The following WDR17 variants were observed in gnomAD, a reference collection of about 807,000 sequenced individuals.
WDR17 encodes the protein WD repeat-containing protein 17.
Under a neutral mutation model 161.7 loss-of-function variants are expected in WDR17, and 143 were observed. The ratio of observed to expected loss-of-function variants is 0.88; its 90% CI spans 0.77 to 1.02. The LOEUF is 1.02. WDR17 is among the 50% of genes least tolerant of loss of function. The pLI, the probability that WDR17 is intolerant of heterozygous loss-of-function variation, is 0.00. For missense variants in WDR17, 1,469 were observed against 1,520.9 expected (o/e 0.97, Z 0.57); for synonymous variants, 517 against 515.6 (o/e 1.00, Z -0.04).
chr4:176,149,745 A>C, intron 13 of WDR17, 62 bp from the exon 14 acceptor site: 1 of 1,588,122 alleles, frequency 6.3e-7, no homozygotes, highest in Non-Finnish European at 8.6e-7. Context: ...TATGAAGCAC[A>C]TATAAATAAA....
chr4:176,165,884 C>T (rs1749702881), intron 22 of WDR17, among the ~76,000 whole-genome samples: 2 of 152,164 alleles, frequency 1.3e-5, no homozygotes, highest in Admixed American at 1.3e-4. Flanking sequence ...ATATGTGTAA[C>T]AGAAACTAGG....
intron 1 of WDR17, among the ~76,000 whole-genome samples, chr4:176,107,483 GT>G (rs931529177): frequency 1.3e-5 from 2 of 150,078 alleles, no homozygotes; most frequent in African/African-American, 4.9e-5. Context: ...TTGTACATCC[GT>G]TTTCATAGCA....
intron 21 of WDR17, 147 bp from the exon 22 acceptor site, chr4:176,163,007 A>G (rs919697103): frequency 9.4e-7 from 1 of 1,064,418 alleles, no homozygotes; most frequent in Admixed American, 2.8e-5. Context: ...TTACATAGCT[A>G]CTTTATAGGA....
At chr4:176,137,390 A>T (rs1320073013) in intron 8 of WDR17, 130 bp from the exon 9 acceptor site, 1 of 649,674 alleles carries the variant, frequency 1.5e-6, no homozygotes, top group Non-Finnish European at 2.6e-6. Context: ...ACAGTTAATA[A>T]TTTCAATTAT....
At chr4:176,108,684 T>C (rs1739212620) in intron 1 of WDR17, among the ~76,000 whole-genome samples, 1 of 151,928 alleles carries the variant, frequency 6.6e-6, no homozygotes, top group African/African-American at 2.4e-5. Flanking sequence ...CTATGAGGGG[T>C]ATATGGGAAA....
intron 1 of WDR17, among the ~76,000 whole-genome samples, chr4:176,080,710 GA>G (rs1734633749): frequency 6.6e-6 from 1 of 152,064 alleles, no homozygotes; most frequent in Non-Finnish European, 1.5e-5. Context: ...TGGCCTGTCT[GA>G]AATATTTAAC....
chr4:176,150,153 T>C lies in WDR17; in HGVS notation c.2158T>C (p.Trp720Arg). Reference sequence around the variant, plus strand: ...TAATTCTCAAGTGAAAAAACTAAGATGGTTCTCAGAATGTTTATCTGTAAG... The same window carrying C: ...TAATTCTCAAGTGAAAAAACTAAGACGGTTCTCAGAATGTTTATCTGTAAG... Reference protein sequence around the residue: ...TANSQVKKLRWFSECLSPPGG... With the variant: ...TANSQVKKLRRFSECLSPPGG... Residue 720 changes from tryptophan to arginine, a missense_variant, in exon 15 of 29, where the codon TGG becomes CGG. Physicochemically the swap from Trp to Arg is moderately radical, Grantham distance 101. Coordinates refer to ENST00000508596, the MANE Select transcript of WDR17 (RefSeq NM_181265.4). The C allele has an allele frequency of 6.2e-7, 1 of 1,613,292 alleles. No individual in the cohort carries two copies. Among genetic ancestry groups the C allele is most frequent in the Non-Finnish European group, 8.5e-7 (1 of 1,179,888 alleles).
At chr4:176,125,397 A>G (rs750375511) in intron 5 of WDR17, 42 bp downstream of exon 5, 21 of 1,575,818 alleles carry the variant, frequency 1.3e-5, no homozygotes, top group Admixed American at 7.5e-5. Flanking sequence ...ATACGTGTAT[A>G]TATTCTTTCG....
intron 1 of WDR17, among the ~76,000 whole-genome samples, chr4:176,109,332 A>G (rs1291907051): frequency 6.6e-6 from 1 of 152,168 alleles, no homozygotes; most frequent in African/African-American, 2.4e-5. Flanking sequence ...GTAAAAAAAA[A>G]AAGAAGTGTA....
At chr4:176,168,243 C>G (rs1750178725) in intron 22 of WDR17, among the ~76,000 whole-genome samples, 1 of 152,068 alleles carries the variant, frequency 6.6e-6, no homozygotes, top group African/African-American at 2.4e-5. Context: ...GAACTTAACT[C>G]AATATTCTAC....
chr4:176,077,785 T>C (rs1734241519), intron 1 of WDR17, among the ~76,000 whole-genome samples: 2 of 152,126 alleles, frequency 1.3e-5, no homozygotes, highest in South Asian at 4.1e-4. Context: ...CTGGCTTTTT[T>C]CAAGCTACAG....
chr4:176,116,758 A>T (rs185102010), intron 3 of WDR17, among the ~76,000 whole-genome samples: 209 of 152,016 alleles, frequency 1.4e-3, no homozygotes, highest in African/African-American at 4.6e-3. Flanking sequence ...CTAAGGCAAA[A>T]ATACTGGGAA....
chr4:176,166,263 A>C, intron 22 of WDR17: 1 of 324,170 alleles, frequency 3.1e-6, no homozygotes, highest in Admixed American at 5.4e-5. Context: ...ACATTATTTT[A>C]TGGTATGCCA....
intron 22 of WDR17, among the ~76,000 whole-genome samples, chr4:176,168,187 A>C (rs1054865445): frequency 6.6e-5 from 10 of 152,170 alleles, no homozygotes; most frequent in Non-Finnish European, 1.5e-4. Context: ...AACTATCTTT[A>C]ATTTCCACTT....
At chr4:176,076,173 T>C (rs966555941) in intron 1 of WDR17, among the ~76,000 whole-genome samples, 7 of 148,776 alleles carry the variant, frequency 4.7e-5, no homozygotes, top group Non-Finnish European at 7.4e-5. Flanking sequence ...TTTGCCTTAA[T>C]ATACCCAGGT....
intron 23 of WDR17, 84 bp downstream of exon 23, chr4:176,168,867 T>G: frequency 1.4e-6 from 2 of 1,470,552 alleles, no homozygotes; most frequent in Non-Finnish European, 1.8e-6. Flanking sequence ...TAGAGATGCA[T>G]GCAGAGAAAC....
intron 3 of WDR17, 97 bp from the exon 4 acceptor site, chr4:176,119,770 A>T: frequency 9.3e-7 from 1 of 1,075,130 alleles, no homozygotes; most frequent in Non-Finnish European, 1.4e-6. Context: ...TCTTAAAAAT[A>T]ATAATTTGTT....
intron 26 of WDR17, 57 bp downstream of exon 26, chr4:176,174,775 G>T: frequency 1.8e-6 from 2 of 1,092,358 alleles, no homozygotes; most frequent in South Asian, 1.4e-5. Flanking sequence ...TGCTAAGATG[G>T]ATAGTCTCTA....
At position 176,115,826 on chromosome 4, in the gene WDR17, C is replaced by A. The variant is rs751372218; in HGVS notation, c.154C>A (p.His52Asn). ...TCACCGTTATAATGAATTCAAACTT[C>A]ACGCAATTATGTCTGAACATAAAAA... Reference protein sequence around the residue: ...LDHRYNEFKLHAIMSEHKKTI... With the variant: ...LDHRYNEFKLNAIMSEHKKTI... Residue 52 changes from histidine to asparagine, a missense_variant, in exon 3 of 29, where the codon CAC (histidine) becomes AAC (asparagine). Coordinates refer to ENST00000508596, the MANE Select transcript of WDR17 (RefSeq NM_181265.4). 8 of 1,606,690 alleles carry A rather than the reference C, an allele frequency of 5.0e-6. No homozygotes were observed. Among genetic ancestry groups the A allele is most frequent in the Non-Finnish European group, 6.8e-6 (8 of 1,176,288 alleles).
Sources: gnomAD v4.1 joint callset for allele counts (sites outside exome capture counted in the v4.1 genomes callset) on GRCh38, gnomAD v4.1.1 for gene constraint, MANE v1.5 for transcripts, NCBI Gene and HGNC (gene_info 2026-07-23, HGNC 2026-07-21) for gene names.